SHANK2: variants seen among roughly 807,000 people sequenced by gnomAD.
SHANK2 encodes SH3 and multiple ankyrin repeat domains protein 2.
A neutral mutation model predicts 133.7 loss-of-function variants in SHANK2; 43 were observed. That is an observed-to-expected ratio of 0.32 (90% confidence interval 0.25 to 0.41). The LOEUF (loss-of-function observed/expected upper bound fraction) is 0.41. SHANK2 is among the 10% of genes least tolerant of loss of function. The pLI is 1.00. For synonymous variants in SHANK2, 1,017 were observed against 952.8 expected (o/e 1.07, Z -1.24); for missense variants, 1,994 against 2,235.8 (o/e 0.89, Z 2.18).
At chr11:70,590,186 CAG>C (rs1293615636) in intron 17 of SHANK2, among the ~76,000 whole-genome samples, 1 of 151,972 alleles carries the variant, frequency 6.6e-6, no homozygotes, top group Non-Finnish European at 1.5e-5. Flanking sequence ...CAAACAAAAA[CAG>C]AAGTGGAGCT....
chr11:70,897,181 C>T (rs560715535), intron 10 of SHANK2, among the ~76,000 whole-genome samples: 6 of 152,178 alleles, frequency 3.9e-5, no homozygotes, highest in Non-Finnish European at 7.4e-5. Context: ...GGAGAGCAGT[C>T]AGGCAGGTAA....
chr11:70,525,524 A>G (rs1229907238), intron 17 of SHANK2, among the ~76,000 whole-genome samples: 1 of 151,742 alleles, frequency 6.6e-6, no homozygotes, highest in African/African-American at 2.4e-5. Flanking sequence ...GAGAGAGGTG[A>G]GAGAAAAGGG....
intron 8 of SHANK2, among the ~76,000 whole-genome samples, chr11:71,080,171 A>G (rs1951278852): frequency 6.6e-6 from 1 of 151,956 alleles, no homozygotes; most frequent in Non-Finnish European, 1.5e-5. Context: ...TGCCCTTGAC[A>G]CCTGCACCCC....
intron 15 of SHANK2, among the ~76,000 whole-genome samples, chr11:70,680,489 C>G (rs971312060): frequency 1.3e-5 from 2 of 152,176 alleles, no homozygotes; most frequent in African/African-American, 4.8e-5. Context: ...CCGCTCCCAT[C>G]GTCCCAGCTC....
rs564873688 is a variant in SHANK2 at position 70,560,342 on chromosome 11, G to C, written c.2062-57411C>G. On this transcript the variant is annotated intron_variant, in intron 17 of 25. Transcript: ENST00000601538. The stretch of plus-strand genomic sequence containing the variant: ...TAGAACAAAAGATGTGCCAAGACCT[G>C]TATAGCAAAAGCATTAAACATGGCT... 2.0e-5 allele frequency among the ~76,000 whole-genome samples: 3 copies of C among 152,308 alleles called. No homozygotes were observed. The South Asian group carries it at 6.2e-4, about 32-fold the overall frequency.
intron 2 of SHANK2, among the ~76,000 whole-genome samples, chr11:71,220,841 G>A (rs782781366): frequency 5.3e-5 from 8 of 152,296 alleles, no homozygotes; most frequent in East Asian, 1.9e-4. Context: ...TTCTGGAGAC[G>A]GTTGGTGGCG....
chr11:71,167,781 T>C (rs1953204535), intron 2 of SHANK2, among the ~76,000 whole-genome samples: 1 of 136,180 alleles, frequency 7.3e-6, no homozygotes, highest in Admixed American at 7.1e-5. Flanking sequence ...ACGGGGCGGC[T>C]GGCCGGGCGG....
intron 17 of SHANK2, among the ~76,000 whole-genome samples, chr11:70,596,018 CA>C (rs1205183440): frequency 5.9e-5 from 9 of 152,228 alleles, no homozygotes; most frequent in African/African-American, 1.9e-4. Context: ...GCCAAGGCAT[CA>C]GGGGCACCTC....
intron 14 of SHANK2, among the ~76,000 whole-genome samples, chr11:70,765,743 C>G (rs1398900536): frequency 1.3e-5 from 2 of 152,194 alleles, no homozygotes; most frequent in Non-Finnish European, 2.9e-5. Context: ...TAAGTGGGCA[C>G]AAATGCATCT....
chr11:70,861,851 A>T (rs535101373), intron 11 of SHANK2, among the ~76,000 whole-genome samples: 2 of 152,208 alleles, frequency 1.3e-5, no homozygotes, highest in African/African-American at 2.4e-5. Context: ...TAAATGAGTG[A>T]TCCAACTGGG....
intron 11 of SHANK2, among the ~76,000 whole-genome samples, chr11:70,868,072 C>T (rs1256159817): frequency 2.0e-5 from 3 of 152,256 alleles, no homozygotes; most frequent in African/African-American, 4.8e-5. Context: ...GGGCCCGGCG[C>T]TGGCAGTAAG....
At chr11:70,626,706 T>C (rs782498135) in intron 17 of SHANK2, among the ~76,000 whole-genome samples, 3 of 152,208 alleles carry the variant, frequency 2.0e-5, no homozygotes, top group African/African-American at 4.8e-5. Context: ...ATCCCTGTAG[T>C]ACCTCTGAAA....
At chr11:70,615,556 C>T (rs1186229792) in intron 17 of SHANK2, among the ~76,000 whole-genome samples, 1 of 152,174 alleles carries the variant, frequency 6.6e-6, no homozygotes, top group African/African-American at 2.4e-5. Flanking sequence ...GGAGCACATG[C>T]AGTCAAGACT....
At chr11:70,616,602 G>A (rs186730033) in intron 17 of SHANK2, among the ~76,000 whole-genome samples, 36 of 152,310 alleles carry the variant, frequency 2.4e-4, no homozygotes, top group Admixed American at 5.9e-4. Flanking sequence ...GGTCCCTGGT[G>A]CCCAGTGCTG....
chr11:70,717,390 T>C (rs1250140101), intron 14 of SHANK2, among the ~76,000 whole-genome samples: 1 of 152,222 alleles, frequency 6.6e-6, no homozygotes, highest in Non-Finnish European at 1.5e-5. Context: ...CCTGGGATTC[T>C]GGATGCAACT....
rs1014553285 is a variant in SHANK2, at chr11:70,804,524, C to T, written c.1663+2478G>A. ...TCCCTGGGAGAAAGGCCCAGCTCCCCGCACGCCCCACGCTCCTGCGAGGGG... is the reference window on the plus strand; with the variant it reads ...TCCCTGGGAGAAAGGCCCAGCTCCCTGCACGCCCCACGCTCCTGCGAGGGG... On this transcript the variant is annotated intron_variant, in intron 13 of 25. Coordinates refer to ENST00000601538, the MANE Select transcript of SHANK2 (RefSeq NM_012309.5). This position sits in a 1 kb window ranked among gnomAD's most constrained non-coding sequence, Gnocchi z 4.1. Among the ~76,000 whole-genome samples the T allele has an allele frequency of 2.0e-5, 3 of 152,142 alleles. No homozygotes were observed. The highest frequency in any genetic ancestry group is 2.9e-5 in the Non-Finnish European group (2 of 68,018).
At chr11:70,684,107 T>C (rs1945092051) in intron 15 of SHANK2, among the ~76,000 whole-genome samples, 1 of 152,078 alleles carries the variant, frequency 6.6e-6, no homozygotes, top group Non-Finnish European at 1.5e-5. Context: ...TTTGAATAAA[T>C]GAATGAAAAG....
At chr11:71,107,459 A>G (rs1027170643) in intron 6 of SHANK2, among the ~76,000 whole-genome samples, 2 of 152,138 alleles carry the variant, frequency 1.3e-5, no homozygotes, top group Non-Finnish European at 2.9e-5. Context: ...TGATCAGTAA[A>G]CCAGCCCAGA....
At chr11:70,749,790 C>T (rs544348438) in intron 14 of SHANK2, among the ~76,000 whole-genome samples, 1 of 151,500 alleles carries the variant, frequency 6.6e-6, no homozygotes, top group Non-Finnish European at 1.5e-5. Flanking sequence ...AAATCAATGA[C>T]ATTTGTCTAA....
Sources: gnomAD v4.1 joint callset for allele counts (sites outside exome capture counted in the v4.1 genomes callset) on GRCh38, gnomAD v4.1.1 for gene constraint, Gnocchi (gnomAD v3.1) non-coding constraint, MANE v1.5 for transcripts, NCBI Gene and HGNC (gene_info 2026-07-23, HGNC 2026-07-21) for gene names.